Variants in SPAG9 observed in about 807,000 individuals in gnomAD.
SPAG9 encodes the protein sperm associated antigen 9, also known as C-Jun-amino-terminal kinase-interacting protein 4.
Under a neutral mutation model 166.5 loss-of-function variants are expected in SPAG9, and 35 were observed. That is an observed-to-expected ratio of 0.21 (90% CI 0.16 to 0.28). The LOEUF is 0.28. Among genes scored for constraint, SPAG9 ranks in the 10% least tolerant of loss-of-function variants. The pLI, the probability that SPAG9 is intolerant of heterozygous loss-of-function variation, is 1.00. For missense variants in SPAG9, 1,235 were observed against 1,603.3 expected, an observed-to-expected ratio of 0.77 and a Z score of 3.92; for synonymous variants, 534 against 565.5, an observed-to-expected ratio of 0.94 and a Z score of 0.79.
intron 2 of SPAG9, among the ~76,000 whole-genome samples, chr17:51,074,306 T>A (rs554794150): frequency 9.8e-5 from 15 of 152,288 alleles, no homozygotes; most frequent in African/African-American, 3.6e-4. Flanking sequence ...ACGCCTGTAA[T>A]CCCAGCTACT....
intron 9 of SPAG9, among the ~76,000 whole-genome samples, chr17:51,012,538 C>A (rs979653147): frequency 6.6e-6 from 1 of 151,344 alleles, no homozygotes; most frequent in Non-Finnish European, 1.5e-5. Context: ...CCACGGCACT[C>A]CAGCCTGGGC....
chr17:50,988,532 G>T (rs942662138), intron 21 of SPAG9, among the ~76,000 whole-genome samples: 2 of 152,160 alleles, frequency 1.3e-5, no homozygotes, highest in African/African-American at 4.8e-5. Flanking sequence ...TAACGGAGGA[G>T]CCTAAAACAA....
chr17:51,038,835 TTTGTTTAC>T (rs1385649602), intron 5 of SPAG9, among the ~76,000 whole-genome samples: 1 of 152,220 alleles, frequency 6.6e-6, no homozygotes, highest in Non-Finnish European at 1.5e-5. Context: ...ATTTCATTTA[TTTGTTTAC>T]TTGTTTGTCG....
intron 23 of SPAG9, 39 bp downstream of exon 23, chr17:50,985,659 C>T: frequency 8.5e-7 from 1 of 1,172,272 alleles, no homozygotes; most frequent in East Asian, 2.4e-5. Flanking sequence ...TACCAAAATG[C>T]ATAGTTTTAA....
At chr17:51,057,386 G>A (rs2047390543) in intron 2 of SPAG9, among the ~76,000 whole-genome samples, 1 of 152,216 alleles carries the variant, frequency 6.6e-6, no homozygotes, top group Non-Finnish European at 1.5e-5. Flanking sequence ...CCTTAGCATA[G>A]TTGAAAATGT....
At chr17:50,986,377 T>C (rs1402761508) in intron 22 of SPAG9, among the ~76,000 whole-genome samples, 3 of 152,220 alleles carry the variant, frequency 2.0e-5, no homozygotes, top group African/African-American at 7.2e-5. Context: ...GAAAAAGACA[T>C]ACTACAGGTT....
chr17:51,060,824 C>A (rs2144542911), intron 2 of SPAG9, among the ~76,000 whole-genome samples: 1 of 151,470 alleles, frequency 6.6e-6, no homozygotes, highest in East Asian at 1.9e-4. Flanking sequence ...ATTAAGCAAA[C>A]CTCAGAGAAA....
chr17:51,069,642 T>C (rs2047768103), intron 2 of SPAG9, among the ~76,000 whole-genome samples: 3 of 152,162 alleles, frequency 2.0e-5, no homozygotes. Context: ...AAAATTATGT[T>C]ATTGTTTATG....
chr17:50,991,946 TTTTTTTA>T (rs1341964280), intron 19 of SPAG9, among the ~76,000 whole-genome samples: 8 of 135,886 alleles, frequency 5.9e-5, no homozygotes, highest in African/African-American at 1.8e-4. Flanking sequence ...TTTTTTTTTT[TTTTTTTA>T]AAACACAGGG....
rs1182852991 is a variant in SPAG9, at chr17:51,120,664, A to G, written c.-8T>C. On this transcript the variant is annotated 5_prime_UTR_variant, in exon 1 of 30. Coordinates refer to ENST00000262013, the MANE Select transcript of SPAG9 (RefSeq NM_001130528.3). This position sits in a 1 kb window ranked among gnomAD's most constrained non-coding sequence, Gnocchi z 4.7. ...ACCGTCCTCCAGCTCCATGGTGGCA[A>G]GCGGACGGGCGGGCGGCCCGGGGCG... 3 of 1,575,578 alleles carry G rather than the reference A, an allele frequency of 1.9e-6. No individual in the cohort carries two copies. Among genetic ancestry groups the G allele is most frequent in the Non-Finnish European group, 2.6e-6 (3 of 1,161,890 alleles).
chr17:51,023,911 T>A (rs761498475), intron 6 of SPAG9, among the ~76,000 whole-genome samples: 1 of 152,208 alleles, frequency 6.6e-6, no homozygotes, highest in Non-Finnish European at 1.5e-5. Flanking sequence ...AGCGATCTGC[T>A]GGCCTCAGCC....
intron 15 of SPAG9, among the ~76,000 whole-genome samples, chr17:50,997,139 AAAACAAACAAAC>A (rs71149334): frequency 6.6e-6 from 1 of 151,818 alleles, no homozygotes; most frequent in Non-Finnish European, 1.5e-5. Flanking sequence ...TCCATCTCAA[AAAACAAACAAAC>A]AAACAAACAA....
chr17:51,030,809 G>T (rs1303157424), intron 6 of SPAG9: 3 of 152,094 alleles, frequency 2.0e-5, no homozygotes, highest in Admixed American at 6.5e-5. Context: ...GATGCTAGAG[G>T]GCTTCCATGG....
intron 12 of SPAG9, among the ~76,000 whole-genome samples, chr17:51,002,558 A>G (rs932683329): frequency 6.6e-6 from 1 of 151,878 alleles, no homozygotes; most frequent in Non-Finnish European, 1.5e-5. Context: ...TGAGGCGGGT[A>G]CAATGCTTGA....
intron 8 of SPAG9, among the ~76,000 whole-genome samples, chr17:51,017,519 T>TGAGAGAGAGA (rs60839678): frequency 4.1e-5 from 6 of 147,354 alleles, no homozygotes; most frequent in Non-Finnish European, 9.0e-5. Flanking sequence ...AGAACCTGTC[T>TGAGAGAGAGA]GAGAGAGAGA....
At chr17:51,097,991 T>G (rs1232607183) in intron 1 of SPAG9, among the ~76,000 whole-genome samples, 4 of 151,872 alleles carry the variant, frequency 2.6e-5, no homozygotes, top group Non-Finnish European at 4.4e-5. Flanking sequence ...CTCAGCTAAT[T>G]TTTGTATTTT....
At chr17:51,090,966 AG>A (rs936114535) in intron 1 of SPAG9, among the ~76,000 whole-genome samples, 1 of 152,188 alleles carries the variant, frequency 6.6e-6, no homozygotes, top group Non-Finnish European at 1.5e-5. Flanking sequence ...TATGTGAACA[AG>A]AAAAAGCACA....
At chr17:50,980,592 C>G (rs1240981834) in intron 25 of SPAG9, among the ~76,000 whole-genome samples, 1 of 151,208 alleles carries the variant, frequency 6.6e-6, no homozygotes, top group African/African-American at 2.4e-5. Context: ...TCAGGCTGGG[C>G]GCTGGTGGCT....
At chr17:51,006,850 T>C (rs766749695) in intron 10 of SPAG9, among the ~76,000 whole-genome samples, 27 of 152,262 alleles carry the variant, frequency 1.8e-4, no homozygotes, top group Middle Eastern at 3.4e-3. Context: ...TGCACAGCTA[T>C]GGAAGACAGC....
Sources: gnomAD v4.1 joint callset for allele counts (sites outside exome capture counted in the v4.1 genomes callset) on GRCh38, gnomAD v4.1.1 for gene constraint, Gnocchi (gnomAD v3.1) non-coding constraint, MANE v1.5 for transcripts, NCBI Gene and HGNC (gene_info 2026-07-23, HGNC 2026-07-21) for gene names.